Variants in MGLL observed in about 807,000 individuals in gnomAD.
MGLL encodes lysophospholipase homolog.
A neutral mutation model predicts 29.1 loss-of-function variants in MGLL; 7 were observed. The observed-to-expected ratio is 0.24, with a 90% CI of 0.14 to 0.45. The LOEUF (loss-of-function observed/expected upper bound fraction) is 0.45. Ranked by LOEUF, MGLL falls within the 20% of genes least tolerant of loss-of-function variation. MGLL has a pLI of 0.99. For synonymous variants in MGLL, 148 were observed against 168.3 expected, an observed-to-expected ratio of 0.88 and a Z score of 0.93; for missense variants, 356 against 413.6, an observed-to-expected ratio of 0.86 and a Z score of 1.21.
At chr3:127,813,622 G>A (rs2077703088) in intron 2 of MGLL, among the ~76,000 whole-genome samples, 1 of 152,208 alleles carries the variant, frequency 6.6e-6, no homozygotes, top group Non-Finnish European at 1.5e-5. Context: ...AGGCTGCCCT[G>A]CAGCCCTGAG....
chr3:127,707,799 G>A (rs778270025), intron 6 of MGLL, among the ~76,000 whole-genome samples: 15 of 152,206 alleles, frequency 9.9e-5, no homozygotes, highest in East Asian at 1.9e-4. Flanking sequence ...TCACACATGC[G>A]GCGAGAATGT....
intron 1 of MGLL, 178 bp downstream of exon 1, chr3:127,822,131 C>T: frequency 4.1e-6 from 3 of 729,174 alleles, no homozygotes; most frequent in Admixed American, 5.8e-5. Flanking sequence ...ATCTTAAAGA[C>T]TATTTTAGCT....
intron 2 of MGLL, among the ~76,000 whole-genome samples, chr3:127,798,542 G>T (rs981064263): frequency 1.3e-5 from 2 of 152,030 alleles, no homozygotes; most frequent in Admixed American, 1.3e-4. Flanking sequence ...CACTTCTCTT[G>T]GATTTGTTCT....
At chr3:127,822,547 G>C, upstream of MGLL, 1 of 588,410 alleles carries the variant, frequency 1.7e-6, no homozygotes, top group Non-Finnish European at 3.0e-6. Context: ...GGCGGGGAGC[G>C]GCGCTGCGAT....
chr3:127,726,164 GAAAGAAAGAAAGAAAGAAAGA>G (rs1319813740), intron 3 of MGLL, among the ~76,000 whole-genome samples: 63 of 27,544 alleles, frequency 2.3e-3, no homozygotes, highest in African/African-American at 4.3e-3. Flanking sequence ...AAGAAAGAAA[GAAAGAAAGAAAGAAAGAAAGA>G]AAAGAAAAGA....
intron 2 of MGLL, among the ~76,000 whole-genome samples, chr3:127,783,326 C>G (rs1039977954): frequency 7.2e-5 from 11 of 152,164 alleles, no homozygotes; most frequent in African/African-American, 2.7e-4. Flanking sequence ...CTCCCAGTGC[C>G]TGATCTGGCA....
intron 6 of MGLL, among the ~76,000 whole-genome samples, chr3:127,706,081 C>T (rs2107599521): frequency 6.6e-6 from 1 of 152,326 alleles, no homozygotes; most frequent in South Asian, 2.1e-4. Context: ...AGCAATCCCA[C>T]TTCTGGGTAC....
chr3:127,788,187 G>T (rs766770169), intron 2 of MGLL, among the ~76,000 whole-genome samples: 8 of 152,206 alleles, frequency 5.3e-5, no homozygotes, highest in Non-Finnish European at 1.2e-4. Flanking sequence ...CCAGCATGCT[G>T]CCTGGTACAG....
intron 6 of MGLL, among the ~76,000 whole-genome samples, chr3:127,698,359 A>G (rs782437): frequency 0.55 from 83,699 of 152,026 alleles, 25,752 homozygotes; most frequent in African/African-American, 0.84. Flanking sequence ...TAAGATCTCA[A>G]TCCACCAAAA....
intron 5 of MGLL, among the ~76,000 whole-genome samples, chr3:127,719,104 C>G (rs768504751): frequency 6.6e-6 from 1 of 152,174 alleles, no homozygotes; most frequent in Non-Finnish European, 1.5e-5. Flanking sequence ...CAGCTGGCTC[C>G]GAATGTCACA....
intron 3 of MGLL, among the ~76,000 whole-genome samples, chr3:127,729,444 G>C (rs912686862): frequency 1.3e-5 from 2 of 151,644 alleles, no homozygotes; most frequent in Admixed American, 1.3e-4. Context: ...CTTGGTGTAG[G>C]GTAGGAGATA....
intron 6 of MGLL, among the ~76,000 whole-genome samples, chr3:127,708,865 G>T (rs1241575821): frequency 6.6e-6 from 1 of 152,238 alleles, no homozygotes; most frequent in Non-Finnish European, 1.5e-5. Context: ...GCCATGGGCT[G>T]CGTGGACCAG....
At chr3:127,802,888 G>T (rs578233496) in intron 2 of MGLL, among the ~76,000 whole-genome samples, 2 of 152,286 alleles carry the variant, frequency 1.3e-5, no homozygotes, top group African/African-American at 4.8e-5. Context: ...GCTGTCCCAA[G>T]ATTCTGGAAA....
chr3:127,726,552 C>T (rs1008065500), intron 3 of MGLL, among the ~76,000 whole-genome samples: 1 of 152,036 alleles, frequency 6.6e-6, no homozygotes, highest in African/African-American at 2.4e-5. Flanking sequence ...CCTCAGCCTC[C>T]CGAGTAGCTG....
At chr3:127,784,368 TCA>T (rs2077178818) in intron 2 of MGLL, among the ~76,000 whole-genome samples, 1 of 152,162 alleles carries the variant, frequency 6.6e-6, no homozygotes, top group Non-Finnish European at 1.5e-5. Flanking sequence ...CCTGTTCTCA[TCA>T]CAATGTTGAG....
chr3:127,789,660 T>C (rs2077269105), intron 2 of MGLL, among the ~76,000 whole-genome samples: 2 of 150,958 alleles, frequency 1.3e-5, no homozygotes, highest in African/African-American at 4.9e-5. Flanking sequence ...ATCACGCCAC[T>C]GCACTCCACT....
intron 5 of MGLL, among the ~76,000 whole-genome samples, chr3:127,717,996 C>A (rs967185870): frequency 1.3e-5 from 2 of 152,234 alleles, no homozygotes; most frequent in Non-Finnish European, 2.9e-5. Flanking sequence ...TGCGAAACCA[C>A]TTTCTCAGCA....
At chr3:127,712,226 C>G (rs1168153497) in intron 5 of MGLL, 1 of 152,256 alleles carries the variant, frequency 6.6e-6, no homozygotes, top group Non-Finnish European at 1.5e-5. Flanking sequence ...TAACCCAGAG[C>G]TCTAACCTTC....
intron 2 of MGLL, among the ~76,000 whole-genome samples, chr3:127,811,203 A>T (rs2077656192): frequency 1.5e-5 from 2 of 136,578 alleles, no homozygotes; most frequent in Admixed American, 6.9e-5. Context: ...CCCACTGTAA[A>T]TATGAGGAAC....
Sources: allele counts gnomAD v4.1 joint callset (sites outside exome capture counted in the v4.1 genomes callset), GRCh38; gene constraint gnomAD v4.1.1; transcripts MANE v1.5; gene names NCBI Gene and HGNC (gene_info 2026-07-23, HGNC 2026-07-21).